The following GRHPR variants were observed in gnomAD, a reference collection of about 807,000 sequenced individuals.
GRHPR encodes the protein glyoxylate reductase/hydroxypyruvate reductase.
A neutral mutation model predicts 36.8 loss-of-function variants in GRHPR; 35 were observed. The ratio of observed to expected loss-of-function variants is 0.95; its 90% CI spans 0.73 to 1.26. The LOEUF (loss-of-function observed/expected upper bound fraction) is 1.26. Ranked by LOEUF, GRHPR falls within the 50% of genes most tolerant of loss-of-function variation. The pLI, the probability that GRHPR is intolerant of heterozygous loss-of-function variation, is 0.00. For missense variants in GRHPR, 380 were observed against 435.0 expected (o/e 0.87, Z 1.12); for synonymous variants, 179 against 181.0 (o/e 0.99, Z 0.09).
At chr9:37,437,650 A>T (rs1325297995), downstream of GRHPR, among the ~76,000 whole-genome samples, 1 of 151,164 alleles carries the variant, frequency 6.6e-6, no homozygotes, top group Non-Finnish European at 1.5e-5. Flanking sequence ...CCCTTTGCCC[A>T]TTCTGTCCCC....
At position 37,426,672 on chromosome 9, in the gene GRHPR, A is replaced by G. The variant is rs768081140; in HGVS notation, c.404+18A>G. On this transcript the variant is annotated intron_variant, in intron 4 of 8. Coordinates refer to ENST00000318158, the MANE Select transcript of GRHPR (RefSeq NM_012203.2). ...GTGAAGAAGTAAGTGAACGCAGACC[A>G]GGTGCGGTGGCTCACGGCTGTAATC... The G allele has an allele frequency of 3.5e-6, 5 of 1,419,026 alleles. No individual in the cohort carries two copies. The South Asian group carries it at 5.7e-5, about 16-fold the overall frequency. 87.9% of individuals were successfully genotyped at this position (1,419,026 alleles called of 1,614,324 possible). A position where few individuals can be genotyped will look rare whatever the true frequency, so the allele number is the denominator to read the frequency against.
chr9:37,426,977 G>A (rs557603269), intron 4 of GRHPR, among the ~76,000 whole-genome samples: 1 of 151,834 alleles, frequency 6.6e-6, no homozygotes, highest in South Asian at 2.1e-4. Context: ...ATAAGTGAAC[G>A]CCTGGCAGGA....
chr9:37,429,586 C>T lies in GRHPR; in HGVS notation c.494-146C>T, dbSNP rs908973343. The stretch of plus-strand genomic sequence containing the variant: ...AGTTACAGTGGGGCAGCCAGCCCCC[C>T]ACCCGCTTTGGAGGAGACAGGAGCA... On this transcript the variant is annotated intron_variant, in intron 5 of 8. Coordinates refer to ENST00000318158, the MANE Select transcript of GRHPR (RefSeq NM_012203.2). 6 of 740,856 alleles carry T rather than the reference C, an allele frequency of 8.1e-6. No homozygotes were observed. The Middle Eastern group carries it at 1.3e-3, about 158-fold the overall frequency. 45.9% of individuals were successfully genotyped at this position (740,856 alleles called of 1,614,324 possible).
In GRHPR at chr9:37,432,021, A is replaced by T. The variant is rs1284983653; in HGVS notation, c.748A>T (p.Asn250Tyr). 8 of 1,614,022 alleles carry T rather than the reference A, an allele frequency of 5.0e-6. No homozygotes were observed. Among genetic ancestry groups the T allele is most frequent in the East Asian group, 2.2e-5 (1 of 44,904 alleles). ...TGTCATTCCCAGGGGCGACGTCGTA[A>T]ACCAGGACGACCTGTACCAGGCCTT... ...FINISRGDVV[N>Y]QDDLYQALAS... Residue 250 changes from asparagine to tyrosine, a missense_variant, in exon 8 of 9, where the codon AAC (asparagine) becomes TAC (tyrosine). Asn to Tyr is a moderately radical substitution (Grantham distance 143, BLOSUM62 -2). Transcript: ENST00000318158.
At chr9:37,429,324 A>G in intron 5 of GRHPR, 1 of 280,408 alleles carries the variant, frequency 3.6e-6, no homozygotes, top group Non-Finnish European at 7.0e-6. Flanking sequence ...GCCACCAAAA[A>G]GTCAAATGGG....
Position 37,436,805 on chromosome 9 carries a change from C to T in GRHPR, c.*23C>T, listed in dbSNP as rs374742361. On this transcript the variant is annotated 3_prime_UTR_variant, in exon 9 of 9. Coordinates refer to ENST00000318158, the MANE Select transcript of GRHPR (RefSeq NM_012203.2). The stretch of plus-strand genomic sequence containing the variant: ...TAGCCAAACAGTAGAGATGGAGGGC[C>T]GGGAAGCAAACCGTGCCCTGGTATT... 70 of 1,613,348 alleles carry T rather than the reference C, an allele frequency of 4.3e-5. No individual in the cohort carries two copies. The highest frequency in any genetic ancestry group is 5.4e-5 in the Non-Finnish European group (64 of 1,179,550).
At position 37,422,817 on chromosome 9, in the gene GRHPR, C is replaced by T; in HGVS notation, c.67C>T (p.Leu23Phe). 6.3e-7 allele frequency: 1 copy of T among 1,599,388 alleles called. No homozygotes were observed. Among genetic ancestry groups the T allele is most frequent in the Non-Finnish European group, 8.5e-7 (1 of 1,174,406 alleles). ...GATACCCGCCGAGGGTAGGGTCGCG[C>T]TCGCCCGGGCGGCAGAGTAAGAGCC... ...RRIPAEGRVA[L>F]ARAADCEVEQ... Residue 23 changes from leucine (L) to phenylalanine (F), a missense_variant, in exon 1 of 9, where the codon CTC (leucine) becomes TTC (phenylalanine). Coordinates refer to ENST00000318158, the MANE Select transcript of GRHPR (RefSeq NM_012203.2).
chr9:37,437,026 T>C (rs748988688), downstream of GRHPR: 1 of 453,246 alleles, frequency 2.2e-6, no homozygotes, highest in African/African-American at 2.0e-5. Context: ...AGCTAACAAG[T>C]GGATATGGCT....
At position 37,425,604 on chromosome 9, in the gene GRHPR, G is replaced by A. The variant is rs1404968849; in HGVS notation, c.215-318G>A. Reference sequence around the variant, plus strand: ...CTTGGCACTCTCAGAGGTGTCCATGGGGGAGGCCCCAGCGTGGCTAAAGAA... The same window carrying A: ...CTTGGCACTCTCAGAGGTGTCCATGAGGGAGGCCCCAGCGTGGCTAAAGAA... On this transcript the variant is annotated intron_variant, in intron 2 of 8. Transcript: ENST00000318158. Among the ~76,000 whole-genome samples the A allele has an allele frequency of 2.6e-5, 4 of 152,310 alleles. No homozygotes were observed. In the East Asian group the frequency reaches 7.7e-4, roughly 29 times the overall value.
rs753053100 is a variant in GRHPR at position 37,424,909 on chromosome 9, G to A, written c.148G>A (p.Ala50Thr). The change falls in exon 2 of 9, where the codon GCG becomes ACG. Residue 50 changes from alanine to threonine, a missense_variant. Physicochemically the swap from Ala to Thr is moderately conservative, Grantham distance 58. Coordinates refer to ENST00000318158, the MANE Select transcript of GRHPR (RefSeq NM_012203.2). ...IPAKELERGV[A>T]GAHGLLCLLS... is the part of the protein sequence containing the mutation. ...TGCCAAGGAGCTAGAGCGAGGTGTG[G>A]CGGGGGCCCACGGCCTGCTCTGCCT... 11 of 1,612,554 alleles carry A rather than the reference G, an allele frequency of 6.8e-6. No homozygotes were observed. In the African/African-American group the frequency reaches 1.3e-4, roughly 20 times the overall value.
intron 7 of GRHPR, chr9:37,430,936 C>CA: frequency 1.8e-6 from 1 of 547,884 alleles, no homozygotes; most frequent in South Asian, 1.5e-5. Context: ...GGAGCCTCTG[C>CA]AGGCCCATTA....
chr9:37,429,443 C>T (rs1823242550), intron 5 of GRHPR: 7 of 469,008 alleles, frequency 1.5e-5, no homozygotes, highest in Non-Finnish European at 2.8e-5. Context: ...TTAGGAAAAA[C>T]CTGAGTGGCT....
chr9:37,432,597 G>C, intron 8 of GRHPR: 1 of 225,792 alleles, frequency 4.4e-6, no homozygotes, highest in Admixed American at 5.1e-5. Context: ...AGAATCGCTT[G>C]AACCCAGGAG....
intron 8 of GRHPR, chr9:37,433,989 G>A (rs992607584): frequency 2.4e-5 from 9 of 382,252 alleles, no homozygotes; most frequent in African/African-American, 4.2e-5. Flanking sequence ...AGCACTGGGT[G>A]TGATGTCAGG....
At chr9:37,426,404 T>C (rs2118864626) in intron 3 of GRHPR, 134 bp from the exon 4 acceptor site, 2 of 776,322 alleles carry the variant, frequency 2.6e-6, no homozygotes, top group Non-Finnish European at 4.8e-6. Context: ...CGTTTTTGAG[T>C]GCTCATTTAT....
Position 37,426,399 on chromosome 9 carries a change from T to C in GRHPR, c.288-139T>C, listed in dbSNP as rs368310509. 7 of 771,752 alleles carry C rather than the reference T, an allele frequency of 9.1e-6. No individual in the cohort carries two copies. In the East Asian group the frequency reaches 1.7e-4, roughly 19 times the overall value. 47.8% of individuals were successfully genotyped at this position (771,752 alleles called of 1,614,324 possible). On this transcript the variant is annotated intron_variant, in intron 3 of 8. Transcript: ENST00000318158. ...AAATAGGAATGAGGACTGCCCGTTT[T>C]TGAGTGCTCATTTATAGTTCTGAGC...
At chr9:37,436,282 G>A (rs1478174104) in intron 8 of GRHPR, among the ~76,000 whole-genome samples, 1 of 152,142 alleles carries the variant, frequency 6.6e-6, no homozygotes, top group Non-Finnish European at 1.5e-5. Flanking sequence ...CTAAATTTTT[G>A]TATTTTTTGT....
At chr9:37,425,675 G>T (rs1050215918) in intron 2 of GRHPR, among the ~76,000 whole-genome samples, 2 of 152,222 alleles carry the variant, frequency 1.3e-5, no homozygotes, top group African/African-American at 4.8e-5. Flanking sequence ...TAAGAGCGGG[G>T]CCTTGGTGGC....
At chr9:37,425,569 C>T (rs1436549089) in intron 2 of GRHPR, among the ~76,000 whole-genome samples, 1 of 152,220 alleles carries the variant, frequency 6.6e-6, no homozygotes, top group Non-Finnish European at 1.5e-5. Context: ...GGTCACGTCC[C>T]AGCCACCTTC....
Sources: gnomAD v4.1 joint callset for allele counts (sites outside exome capture counted in the v4.1 genomes callset) on GRCh38, gnomAD v4.1.1 for gene constraint, MANE v1.5 for transcripts, NCBI Gene and HGNC (gene_info 2026-07-23, HGNC 2026-07-21) for gene names.